The following C8orf34 variants were observed in gnomAD, a reference collection of about 807,000 sequenced individuals.
C8orf34 encodes uncharacterized protein C8orf34.
A neutral mutation model predicts 68.3 loss-of-function variants in C8orf34; 65 were observed. That is an observed-to-expected ratio of 0.95 (90% CI 0.78 to 1.17). The LOEUF (loss-of-function observed/expected upper bound fraction) is 1.17, where lower values mean the gene tolerates loss of function less well. Ranked by LOEUF, C8orf34 falls within the 50% of genes most tolerant of loss-of-function variation. The pLI is 0.00. For missense variants in C8orf34, 664 were observed against 655.4 expected (o/e 1.01, Z -0.14); for synonymous variants, 244 against 241.2 (o/e 1.01, Z -0.11).
rs1302800788 is a variant in C8orf34 at position 68,488,545 on chromosome 8, A to G, written c.765+494A>G. ...TGAGAAGTGGTGTGGTTAGAAATAT[A>G]TTTCTATAGTTGTGTCACTGGAACT... On this transcript the variant is annotated intron_variant, in intron 5 of 13. Transcript: ENST00000518698. 2.6e-5 allele frequency among the ~76,000 whole-genome samples: 4 copies of G among 152,196 alleles called. No homozygotes were observed. The East Asian group carries it at 7.7e-4, about 29-fold the overall frequency.
intron 7 of C8orf34, among the ~76,000 whole-genome samples, chr8:68,561,243 A>G (rs1816415674): frequency 6.6e-6 from 1 of 152,026 alleles, no homozygotes; most frequent in Non-Finnish European, 1.5e-5. Flanking sequence ...TCAGCCTTCC[A>G]AAGTGCTAGG....
chr8:68,365,175 ACT>A (rs1807192178), intron 1 of C8orf34, among the ~76,000 whole-genome samples: 1 of 128,846 alleles, frequency 7.8e-6, no homozygotes, highest in Non-Finnish European at 1.6e-5. Flanking sequence ...CGACACATAC[ACT>A]CTCCCAAGAC....
chr8:68,740,054 C>A (rs553997288), intron 10 of C8orf34, among the ~76,000 whole-genome samples: 1 of 152,040 alleles, frequency 6.6e-6, no homozygotes, highest in African/African-American at 2.4e-5. Context: ...TAGCCATATG[C>A]GGAAGATTGA....
intron 7 of C8orf34, among the ~76,000 whole-genome samples, chr8:68,577,601 T>TA (rs1383794944): frequency 6.6e-6 from 1 of 151,924 alleles, no homozygotes; most frequent in East Asian, 1.9e-4. Context: ...CATTTGTGCT[T>TA]AAAATTTGTT....
At chr8:68,502,091 C>T (rs567124233) in intron 5 of C8orf34, among the ~76,000 whole-genome samples, 5 of 152,194 alleles carry the variant, frequency 3.3e-5, no homozygotes, top group African/African-American at 4.8e-5. Flanking sequence ...CGTTTTTTGA[C>T]AGTCTCGCTC....
At chr8:68,561,067 C>T (rs1469783627) in intron 7 of C8orf34, among the ~76,000 whole-genome samples, 1 of 150,994 alleles carries the variant, frequency 6.6e-6, no homozygotes, top group Non-Finnish European at 1.5e-5. Flanking sequence ...ACTGCAGCTT[C>T]CACCTCCAGG....
rs545597039 is a variant in C8orf34, at chr8:68,816,022, A to T, written c.1609+77A>T. 76 of 1,609,020 alleles carry T rather than the reference A, an allele frequency of 4.7e-5. No individual in the cohort carries two copies. The African/African-American group carries it at 7.4e-4, about 16-fold the overall frequency. On this transcript the variant is annotated intron_variant, in intron 13 of 13. Coordinates refer to ENST00000518698, the MANE Select transcript of C8orf34 (RefSeq NM_052958.4). ...TCTAAAACTGCTCAGGATTTGTATT[A>T]AAAAAGTACGTAGTCCTCATGACCT...
chr8:68,610,677 G>T (rs531321898), intron 7 of C8orf34, among the ~76,000 whole-genome samples: 46 of 152,100 alleles, frequency 3.0e-4, no homozygotes, highest in African/African-American at 9.6e-4. Flanking sequence ...GCCTTTCTCC[G>T]TTTTTAAGTT....
chr8:68,771,928 T>C (rs1823350244), intron 10 of C8orf34, among the ~76,000 whole-genome samples: 1 of 152,228 alleles, frequency 6.6e-6, no homozygotes, highest in South Asian at 2.1e-4. Context: ...AATTAACTCT[T>C]GTTCAGCTCT....
intron 7 of C8orf34, among the ~76,000 whole-genome samples, chr8:68,570,060 G>A (rs1438212089): frequency 1.3e-5 from 2 of 151,992 alleles, no homozygotes; most frequent in Non-Finnish European, 2.9e-5. Context: ...TTCCCTAGTA[G>A]CCTCAAAATA....
At chr8:68,342,857 C>T (rs566732447) in intron 1 of C8orf34, among the ~76,000 whole-genome samples, 3 of 151,984 alleles carry the variant, frequency 2.0e-5, no homozygotes, top group Admixed American at 2.0e-4. Context: ...CAAAGAGAAG[C>T]CTTAATGTGC....
intron 7 of C8orf34, among the ~76,000 whole-genome samples, chr8:68,554,619 A>G (rs1816193845): frequency 6.6e-6 from 1 of 152,156 alleles, no homozygotes; most frequent in Non-Finnish European, 1.5e-5. Context: ...AAGCATTGCT[A>G]CAGGTTAAGC....
intron 7 of C8orf34, among the ~76,000 whole-genome samples, chr8:68,616,825 G>C (rs2130604730): frequency 6.6e-6 from 1 of 152,238 alleles, no homozygotes. Context: ...GCAGAGCTGA[G>C]TTCAATTCCT....
chr8:68,588,192 G>A (rs1182612813), intron 7 of C8orf34, among the ~76,000 whole-genome samples: 1 of 152,020 alleles, frequency 6.6e-6, no homozygotes, highest in Non-Finnish European at 1.5e-5. Context: ...CTGTTAGCTC[G>A]AACCTGTGTA....
chr8:68,429,187 A>G (rs1810349545), intron 1 of C8orf34, among the ~76,000 whole-genome samples: 1 of 152,162 alleles, frequency 6.6e-6, no homozygotes, highest in Admixed American at 6.5e-5. Context: ...ATACACAAAG[A>G]ACTTCAACAG....
At chr8:68,537,540 T>G (rs534457408) in intron 7 of C8orf34, among the ~76,000 whole-genome samples, 1 of 151,850 alleles carries the variant, frequency 6.6e-6, no homozygotes, top group Non-Finnish European at 1.5e-5. Context: ...TCCTTCCTGA[T>G]ATATTTTATA....
intron 7 of C8orf34, among the ~76,000 whole-genome samples, chr8:68,592,143 A>T (rs1306524685): frequency 6.6e-6 from 1 of 152,132 alleles, no homozygotes. Flanking sequence ...CATTTATTTT[A>T]TAGAGATATT....
chr8:68,611,670 T>C (rs935852751), intron 7 of C8orf34, among the ~76,000 whole-genome samples: 2 of 152,322 alleles, frequency 1.3e-5, no homozygotes, highest in South Asian at 4.1e-4. Context: ...TATGAACTTA[T>C]GTCAGTATCA....
intron 12 of C8orf34, among the ~76,000 whole-genome samples, chr8:68,810,738 G>A (rs1251554202): frequency 1.3e-5 from 2 of 152,112 alleles, no homozygotes; most frequent in African/African-American, 2.4e-5. Flanking sequence ...CTATAGGCAG[G>A]TCATCCTGAC....
Sources: gnomAD v4.1 joint callset for allele counts (sites outside exome capture counted in the v4.1 genomes callset) on GRCh38, gnomAD v4.1.1 for gene constraint, MANE v1.5 for transcripts, NCBI Gene and HGNC (gene_info 2026-07-23, HGNC 2026-07-21) for gene names.